Variants in FGF13 observed in about 807,000 individuals in gnomAD.
The protein encoded by FGF13 is fibroblast growth factor homologous factor 2.
Under a neutral mutation model 19.5 loss-of-function variants are expected in FGF13, and 2 were observed. The observed-to-expected ratio is 0.10, with a 90% CI of 0.04 to 0.32. The LOEUF (loss-of-function observed/expected upper bound fraction) is 0.32. Among genes scored for constraint, FGF13 ranks in the 10% least tolerant of loss-of-function variants. The pLI, the probability that FGF13 is intolerant of heterozygous loss-of-function variation, is 1.00. For synonymous variants in FGF13, 72 were observed against 76.9 expected, an observed-to-expected ratio of 0.94 and a Z score of 0.33; for missense variants, 113 against 192.7, an observed-to-expected ratio of 0.59 and a Z score of 2.45.
intron 1 of FGF13, among the ~76,000 whole-genome samples, chrX:138,930,599 T>G (rs1440178392): frequency 8.9e-6 from 1 of 112,056 alleles, no homozygotes; most frequent in East Asian, 2.8e-4. Context: ...TTGTTCAGTG[T>G]CATTTCTCAT....
At chrX:138,856,292 T>C (rs1221842211), downstream of FGF13, among the ~76,000 whole-genome samples, 1 of 111,330 alleles carries the variant, frequency 9.0e-6, no homozygotes, top group East Asian at 2.8e-4. Flanking sequence ...CACAGATACA[T>C]GTAGGCTTCT....
intron 3 of FGF13, among the ~76,000 whole-genome samples, chrX:138,767,879 G>A (rs2090513681): frequency 8.9e-6 from 1 of 112,369 alleles, no homozygotes; most frequent in African/African-American, 3.2e-5. Context: ...ATACTACAGA[G>A]TTTGGCAGGA....
rs2089066281 is a variant in FGF13, at chrX:138,626,688, CTTGT to C, written c.*6158_*6161del. ...AACTTCCCTAAGAACAGCAACATGA[CTTGT>C]TTATTTAGTGTCCTGCTACACACAC... On this transcript the variant is annotated 3_prime_UTR_variant, in exon 5 of 5. Transcript: ENST00000315930. The C allele has an allele frequency of 9.0e-6, 1 of 111,275 alleles. No homozygotes were observed. Among genetic ancestry groups the C allele is most frequent in the Non-Finnish European group, 1.9e-5 (1 of 53,095 alleles). The allele number at this position is 111,275 out of a possible 1,213,427, so 9.2% of individuals were successfully genotyped here.
chrX:138,792,875 G>A (rs1284818116), intron 3 of FGF13, among the ~76,000 whole-genome samples: 2 of 111,566 alleles, frequency 1.8e-5, no homozygotes. Flanking sequence ...ACATGTCCCT[G>A]CCCTAACTCC....
chrX:138,849,725 T>A (rs1166561719), intron 3 of FGF13, among the ~76,000 whole-genome samples: 1 of 111,778 alleles, frequency 8.9e-6, no homozygotes, highest in Non-Finnish European at 1.9e-5. Flanking sequence ...TCCAGAAAAG[T>A]TGGCAAGACA....
intron 2 of FGF13, among the ~76,000 whole-genome samples, chrX:138,703,414 G>A (rs1169310740): frequency 8.9e-6 from 1 of 112,140 alleles, no homozygotes; most frequent in African/African-American, 3.2e-5. Flanking sequence ...GGTTTTTACA[G>A]TGTTGGAGGT....
At chrX:139,094,575 A>G (rs1396878206) in intron 1 of FGF13, among the ~76,000 whole-genome samples, 1 of 112,275 alleles carries the variant, frequency 8.9e-6, no homozygotes, top group Non-Finnish European at 1.9e-5. Flanking sequence ...CCTGACCAAC[A>G]AACCCCTATA....
intron 3 of FGF13, 143 bp downstream of exon 3, chrX:138,702,841 A>T (rs1328984082): frequency 4.4e-6 from 2 of 457,960 alleles, no homozygotes; most frequent in Non-Finnish European, 7.7e-6. Flanking sequence ...CAGAAAGTTA[A>T]TCTGTCCTTT....
At chrX:138,836,850 A>G (rs1602937638) in intron 3 of FGF13, among the ~76,000 whole-genome samples, 2 of 105,368 alleles carry the variant, frequency 1.9e-5, no homozygotes, top group African/African-American at 6.9e-5. Context: ...TCTACTTTCA[A>G]TCTTTGAGGT....
At chrX:138,743,435 C>CT (rs1315465528), upstream of FGF13, among the ~76,000 whole-genome samples, 1 of 111,265 alleles carries the variant, frequency 9.0e-6, no homozygotes, top group Admixed American at 9.5e-5. Context: ...CAGTGAAACT[C>CT]CTCTGTATGA....
intron 3 of FGF13, among the ~76,000 whole-genome samples, chrX:138,761,865 G>T (rs1184695671): frequency 9.0e-6 from 1 of 110,552 alleles, no homozygotes; most frequent in Non-Finnish European, 1.9e-5. Flanking sequence ...TTACTGCGTC[G>T]TTTTCCACTT....
At chrX:138,943,801 A>C (rs2091769597) in intron 1 of FGF13, among the ~76,000 whole-genome samples, 1 of 111,558 alleles carries the variant, frequency 9.0e-6, no homozygotes, top group Admixed American at 9.5e-5. Flanking sequence ...CACCTCTCGG[A>C]GACAGGGTAT....
chrX:138,942,701 T>A (rs1603052121), intron 1 of FGF13, among the ~76,000 whole-genome samples: 1 of 111,679 alleles, frequency 9.0e-6, no homozygotes, highest in Middle Eastern at 4.6e-3. Flanking sequence ...TAATTAAGAA[T>A]CCATTTTCAA....
At chrX:138,987,432 G>A (rs1451430152) in intron 1 of FGF13, among the ~76,000 whole-genome samples, 1 of 111,897 alleles carries the variant, frequency 8.9e-6, no homozygotes, top group Non-Finnish European at 1.9e-5. Context: ...AATCCTGCAA[G>A]TAGCTCCAGA....
chrX:138,786,542 T>C (rs912764024), intron 3 of FGF13, among the ~76,000 whole-genome samples: 1 of 111,896 alleles, frequency 8.9e-6, no homozygotes, highest in African/African-American at 3.3e-5. Context: ...GCTTATTTCT[T>C]CAAGGTGTCA....
chrX:138,723,151 G>C lies in FGF13; in HGVS notation c.29-14223C>G, dbSNP rs771576298. Among the ~76,000 whole-genome samples the C allele has an allele frequency of 2.2e-3, 240 of 111,556 alleles. 3 individuals are homozygous for C. The highest frequency in any genetic ancestry group is 3.0e-3 in the Non-Finnish European group (159 of 53,006). On this transcript the variant is annotated intron_variant, in intron 1 of 4. Coordinates refer to the FGF13 transcript ENST00000305414. The stretch of plus-strand genomic sequence containing the variant: ...AATAATCCTGATTTATAGTTATTTG[G>C]TCAGAGGGATGGATTGTATATTTTA...
intron 1 of FGF13, among the ~76,000 whole-genome samples, chrX:139,152,806 C>G (rs1352759382): frequency 9.0e-6 from 1 of 111,095 alleles, no homozygotes; most frequent in African/African-American, 3.3e-5. Context: ...AGCCCTCACA[C>G]AAAGCCTTCC....
intron 1 of FGF13, among the ~76,000 whole-genome samples, chrX:139,005,217 G>A (rs770780049): frequency 1.7e-5 from 1 of 58,950 alleles, no homozygotes; most frequent in South Asian, 1.0e-3. Flanking sequence ...CCCAGCTCCA[G>A]GTGGTACAGA....
At chrX:138,936,405 A>G (rs1484342010) in intron 1 of FGF13, among the ~76,000 whole-genome samples, 1 of 112,412 alleles carries the variant, frequency 8.9e-6, no homozygotes, top group Non-Finnish European at 1.9e-5. Context: ...ATAACAAAAT[A>G]TATCAAGTAG....
Sources: allele counts gnomAD v4.1 joint callset (sites outside exome capture counted in the v4.1 genomes callset), GRCh38; gene constraint gnomAD v4.1.1; transcripts MANE v1.5; gene names NCBI Gene and HGNC (gene_info 2026-07-23, HGNC 2026-07-21).